ITGB8: variants seen among roughly 807,000 people sequenced by gnomAD.
ITGB8 encodes the protein integrin beta-8.
ITGB8 carries 30 observed loss-of-function variants against 89.5 expected under a neutral mutation model. That is an observed-to-expected ratio of 0.34 (90% CI 0.25 to 0.45). The LOEUF is 0.45. Ranked by LOEUF, ITGB8 falls within the 20% of genes least tolerant of loss-of-function variation. The pLI is 1.00. For missense variants in ITGB8, 836 were observed against 933.3 expected, an observed-to-expected ratio of 0.90 and a Z score of 1.36; for synonymous variants, 335 against 320.4, an observed-to-expected ratio of 1.05 and a Z score of -0.49.
Position 20,404,733 on chromosome 7 carries a change from G to A in ITGB8, c.1793G>A (p.Gly598Asp), listed in dbSNP as rs1241673978. The change falls in exon 11 of 14, where the codon GGC (glycine) becomes GAC (aspartate). Residue 598 changes from glycine (G) to aspartate (D), a missense_variant. Coordinates refer to ENST00000222573, the MANE Select transcript of ITGB8 (RefSeq NM_002214.3). ...AAAQHCVNSKGQVCSGRGTCV... is the reference protein window; with the variant it reads ...AAAQHCVNSKDQVCSGRGTCV... ...GCCCAGCACTGTGTCAATTCAAAGG[G>A]CCAAGTGTGCAGTGGAAGAGGCACG... is the stretch of plus-strand genomic sequence containing the variant. The A allele has an allele frequency of 2.5e-6, 4 of 1,614,062 alleles. No homozygotes were observed. In the Admixed American group the frequency reaches 5.0e-5, roughly 20 times the overall value.
chr7:20,373,126 C>T (rs149494863), intron 3 of ITGB8, among the ~76,000 whole-genome samples: 1,655 of 152,218 alleles, frequency 0.011, 35 homozygotes, highest in African/African-American at 0.038. Context: ...AATGTAGCAT[C>T]TGTTAAGAAT....
intron 3 of ITGB8, among the ~76,000 whole-genome samples, chr7:20,370,600 T>TTATTATTATTATTA (rs59368586): frequency 1.3e-4 from 19 of 144,410 alleles, no homozygotes; most frequent in African/African-American, 4.6e-4. Flanking sequence ...TATTTACTTA[T>TTATTATTATTATTA]TTATTATTAT....
chr7:20,370,959 A>G (rs1785912254), intron 3 of ITGB8, among the ~76,000 whole-genome samples: 1 of 152,160 alleles, frequency 6.6e-6, no homozygotes, highest in South Asian at 2.1e-4. Context: ...CTACTTAATT[A>G]TTACAAGGTT....
chr7:20,340,457 A>G (rs1358797734), intron 1 of ITGB8, among the ~76,000 whole-genome samples: 2 of 152,196 alleles, frequency 1.3e-5, no homozygotes, highest in African/African-American at 4.8e-5. Context: ...TGTACCAAAT[A>G]TGTCATATTA....
At chr7:20,389,384 T>A (rs111619603) in intron 6 of ITGB8, among the ~76,000 whole-genome samples, 3,829 of 152,336 alleles carry the variant, frequency 0.025, 64 homozygotes, top group Admixed American at 0.041. Context: ...CCACGACTGA[T>A]CTTCTTAATA....
chr7:20,374,968 C>A (rs1786078538), intron 3 of ITGB8, among the ~76,000 whole-genome samples: 1 of 151,868 alleles, frequency 6.6e-6, no homozygotes, highest in Non-Finnish European at 1.5e-5. Flanking sequence ...TGGAAATAAT[C>A]CAGGCAAAAA....
chr7:20,408,058 G>A (rs1380907054), intron 12 of ITGB8, among the ~76,000 whole-genome samples: 1 of 152,188 alleles, frequency 6.6e-6, no homozygotes, highest in Non-Finnish European at 1.5e-5. Flanking sequence ...TGTTCTTTCA[G>A]TCTCTCTGGC....
At chr7:20,349,771 G>A (rs191022142) in intron 1 of ITGB8, among the ~76,000 whole-genome samples, 10 of 152,140 alleles carry the variant, frequency 6.6e-5, no homozygotes, top group East Asian at 1.9e-4. Context: ...ATACACTGGC[G>A]GGAAAGAAAT....
rs1158377301 is a variant in ITGB8 at position 20,414,285 on chromosome 7, T to C, written c.*4288T>C. 1 of 152,150 alleles carries C rather than the reference T, an allele frequency of 6.6e-6. No individual in the cohort carries two copies. Among genetic ancestry groups the C allele is most frequent in the Non-Finnish European group, 1.5e-5 (1 of 67,992 alleles). 9.4% of individuals were successfully genotyped at this position (152,150 alleles called of 1,614,324 possible). On this transcript the variant is annotated 3_prime_UTR_variant, in exon 14 of 14. Coordinates refer to ENST00000222573, the MANE Select transcript of ITGB8 (RefSeq NM_002214.3). ...CGCACAACTCAACATGGAGCCTAACTGATTATCAGCTCAGATCCCGCATAT... is the reference window on the plus strand; with the variant it reads ...CGCACAACTCAACATGGAGCCTAACCGATTATCAGCTCAGATCCCGCATAT...
chr7:20,365,823 G>A (rs570468916), intron 2 of ITGB8: 1 of 152,152 alleles, frequency 6.6e-6, no homozygotes, highest in African/African-American at 2.4e-5. Flanking sequence ...CCCTTTAGGT[G>A]CGGATGTGAC....
At chr7:20,345,151 C>T (rs1361733737) in intron 1 of ITGB8, among the ~76,000 whole-genome samples, 2 of 152,018 alleles carry the variant, frequency 1.3e-5, no homozygotes, top group East Asian at 3.8e-4. Flanking sequence ...CCCAGGGCCT[C>T]AGGGAGGGAA....
chr7:20,353,705 G>T (rs79182292), intron 1 of ITGB8, among the ~76,000 whole-genome samples: 1 of 147,236 alleles, frequency 6.8e-6, no homozygotes, highest in Non-Finnish European at 1.5e-5. Flanking sequence ...AGGCCGAGGC[G>T]GGCGGATCAC....
chr7:20,356,277 T>C (rs1785290753), intron 1 of ITGB8, among the ~76,000 whole-genome samples: 2 of 152,216 alleles, frequency 1.3e-5, no homozygotes, highest in Non-Finnish European at 2.9e-5. Flanking sequence ...GGCAAGTGAT[T>C]AGAATGCCAA....
rs1188250690 is a variant in ITGB8, at chr7:20,399,552, G to C, written c.1281+558G>C. ...TATTAAGAACAATACAAAATGGGAA[G>C]AGTCATCATTTACCAAAAAAAAAAA... On this transcript the variant is annotated intron_variant, in intron 9 of 13. Coordinates refer to ENST00000222573, the MANE Select transcript of ITGB8 (RefSeq NM_002214.3). 4.7e-5 allele frequency among the ~76,000 whole-genome samples: 6 copies of C among 127,624 alleles called. No individual in the cohort carries two copies. The Admixed American group carries it at 5.1e-4, about 11-fold the overall frequency. The allele number at this position is 127,624 out of a possible 152,430, so 83.7% of individuals were successfully genotyped here.
intron 3 of ITGB8, among the ~76,000 whole-genome samples, chr7:20,378,002 T>A (rs1229401621): frequency 6.6e-6 from 1 of 152,214 alleles, no homozygotes; most frequent in Non-Finnish European, 1.5e-5. Flanking sequence ...ATGTTTTCCA[T>A]TCGGAATATT....
rs900180017 is a variant in ITGB8, at chr7:20,410,259, T to A, written c.*262T>A. The A allele has an allele frequency of 2.5e-6, 1 of 395,556 alleles. No individual in the cohort carries two copies. Among genetic ancestry groups the A allele is most frequent in the Non-Finnish European group, 4.6e-6 (1 of 216,256 alleles). The allele number at this position is 395,556 out of a possible 1,614,324, so 24.5% of individuals were successfully genotyped here. The stretch of plus-strand genomic sequence containing the variant: ...TACTGTAATATATAACTTATTTAGA[T>A]CAGCATAGAATGTAGATCCTCTGAA... On this transcript the variant is annotated 3_prime_UTR_variant, in exon 14 of 14. Coordinates refer to ENST00000222573, the MANE Select transcript of ITGB8 (RefSeq NM_002214.3).
At chr7:20,408,514 G>A (rs541218089) in intron 12 of ITGB8, among the ~76,000 whole-genome samples, 67 of 152,146 alleles carry the variant, frequency 4.4e-4, no homozygotes, top group Non-Finnish European at 8.1e-4. Flanking sequence ...ACCCAGGATT[G>A]GTTGGGCGGT....
chr7:20,363,443 A>G (rs2074426), intron 1 of ITGB8, among the ~76,000 whole-genome samples, 194 bp from the exon 2 acceptor site: 17,194 of 152,100 alleles, frequency 0.11, 1,235 homozygotes, highest in East Asian at 0.43. Flanking sequence ...TTATCCAGGT[A>G]TCTATTAATT....
intron 2 of ITGB8, among the ~76,000 whole-genome samples, chr7:20,364,351 G>A (rs774749059): frequency 1.3e-5 from 2 of 152,094 alleles, no homozygotes; most frequent in Admixed American, 6.5e-5. Context: ...CAAACAAACA[G>A]GTCTTTAATG....
Sources: allele counts gnomAD v4.1 joint callset (sites outside exome capture counted in the v4.1 genomes callset), GRCh38; gene constraint gnomAD v4.1.1; transcripts MANE v1.5; gene names NCBI Gene and HGNC (gene_info 2026-07-23, HGNC 2026-07-21).